UBR2: variants seen among roughly 807,000 people sequenced by gnomAD.
The protein encoded by UBR2 is E3 ubiquitin-protein ligase UBR2.
In UBR2, 92 loss-of-function variants were observed where a neutral mutation model predicts 247.9. The observed-to-expected ratio is 0.37, with a 90% CI of 0.31 to 0.44. UBR2 has a LOEUF of 0.44. Among genes scored for constraint, UBR2 ranks in the 20% least tolerant of loss-of-function variants. The probability of loss-of-function intolerance (pLI) is 1.00; values close to 1 mark genes in which losing one functional copy is unlikely to be tolerated. For synonymous variants in UBR2, 672 were observed against 693.5 expected (o/e 0.97, Z 0.49); for missense variants, 1,613 against 2,112.6 (o/e 0.76, Z 4.64).
intron 44 of UBR2, among the ~76,000 whole-genome samples, chr6:42,686,780 G>A (rs1799433706): frequency 6.6e-6 from 1 of 151,466 alleles, no homozygotes; most frequent in South Asian, 2.1e-4. Flanking sequence ...GGCGGCTGCT[G>A]GGCGGAGACG....
chr6:42,674,303 C>G (rs558898878), intron 38 of UBR2, 110 bp downstream of exon 38: 2 of 954,574 alleles, frequency 2.1e-6, no homozygotes, highest in Admixed American at 5.0e-5. Context: ...ATTTCCTTAC[C>G]CCTTCTGAGT....
intron 7 of UBR2, among the ~76,000 whole-genome samples, chr6:42,611,701 T>C (rs757206181): frequency 6.6e-6 from 1 of 151,370 alleles, no homozygotes; most frequent in Non-Finnish European, 1.5e-5. Context: ...AGGTCAGGAG[T>C]TCAAGACCAG....
In UBR2 at chr6:42,640,192, T is replaced by C; in HGVS notation, c.1859-17T>C. The C allele has an allele frequency of 6.3e-7, 1 of 1,596,268 alleles. No individual in the cohort carries two copies. The highest frequency in any genetic ancestry group is 8.5e-7 in the Non-Finnish European group (1 of 1,173,264). On this transcript the variant is annotated splice_polypyrimidine_tract_variant and intron_variant, in intron 15 of 46. Transcript: ENST00000372901. ...TTACTGATAGAAATACTGTTTTTTG[T>C]TTGTTCTTTCATGCAGGTTTACATG...
At chr6:42,658,852 G>A in intron 29 of UBR2, 28 bp downstream of exon 29, 5 of 1,452,492 alleles carry the variant, frequency 3.4e-6, no homozygotes, top group Non-Finnish European at 4.6e-6. Context: ...AAAAATTAAT[G>A]TCTTGACGAG....
intron 6 of UBR2, among the ~76,000 whole-genome samples, chr6:42,606,192 G>A (rs1458615397): frequency 6.6e-6 from 1 of 151,562 alleles, no homozygotes; most frequent in Admixed American, 6.6e-5. Flanking sequence ...GCAGTGAGCC[G>A]AGATTGCGCC....
chr6:42,684,899 T>G, intron 44 of UBR2, 28 bp downstream of exon 44: 1 of 1,564,132 alleles, frequency 6.4e-7, no homozygotes, highest in Non-Finnish European at 8.8e-7. Flanking sequence ...CATTGAACAT[T>G]CCCTGCCACT....
intron 1 of UBR2, 69 bp downstream of exon 1, chr6:42,564,466 C>CTGG (rs1790660100): frequency 7.2e-6 from 11 of 1,529,866 alleles, no homozygotes; most frequent in Non-Finnish European, 8.9e-6. Context: ...GAACCGACTC[C>CTGG]TGGACGTCCT....
intron 2 of UBR2, among the ~76,000 whole-genome samples, chr6:42,585,127 T>C (rs1275652554): frequency 6.6e-6 from 1 of 152,218 alleles, no homozygotes; most frequent in African/African-American, 2.4e-5. Context: ...CTTCTATTCC[T>C]AGTTTACCTA....
chr6:42,651,046 A>T (rs1262121489), intron 23 of UBR2, among the ~76,000 whole-genome samples: 1 of 152,024 alleles, frequency 6.6e-6, no homozygotes, highest in Non-Finnish European at 1.5e-5. Context: ...ACATGTTGAA[A>T]TCCCATGTCT....
At chr6:42,592,415 G>A (rs1792725696) in intron 3 of UBR2, among the ~76,000 whole-genome samples, 186 bp downstream of exon 3, 1 of 152,032 alleles carries the variant, frequency 6.6e-6, no homozygotes, top group African/African-American at 2.4e-5. Flanking sequence ...CACACTTCTT[G>A]GAGCATATGA....
At position 42,622,560 on chromosome 6, in the gene UBR2, CCTGGCTAGTTTTT is replaced by C. The variant is rs758379980; in HGVS notation, c.1281+5054_1281+5066del. On this transcript the variant is annotated intron_variant, in intron 11 of 46. Coordinates refer to ENST00000372901, the MANE Select transcript of UBR2 (RefSeq NM_001363705.2). Reference sequence around the variant, plus strand: ...GGGATTACAGGTGCGTGCCACCACACCTGGCTAGTTTTTTTGTACTTTTCATAGAGATGGTGTT... The same window carrying C: ...GGGATTACAGGTGCGTGCCACCACACTTGTACTTTTCATAGAGATGGTGTT... 6.6e-4 allele frequency among the ~76,000 whole-genome samples: 100 copies of C among 152,028 alleles called. 1 individual carries two copies. The highest frequency in any genetic ancestry group is 1.2e-3 in the Non-Finnish European group (81 of 67,980).
chr6:42,662,321 G>A, intron 31 of UBR2, 44 bp downstream of exon 31: 1 of 1,240,362 alleles, frequency 8.1e-7, no homozygotes, highest in Non-Finnish European at 1.1e-6. Context: ...TTTATCTAAG[G>A]GCTCAATATT....
intron 20 of UBR2, among the ~76,000 whole-genome samples, 157 bp from the exon 21 acceptor site, chr6:42,645,309 C>G (rs539769875): frequency 6.6e-6 from 1 of 152,226 alleles, no homozygotes; most frequent in Non-Finnish European, 1.5e-5. Context: ...TGGTCAGGAG[C>G]TGCTCTCTCC....
At chr6:42,621,567 A>G (rs1025691131) in intron 11 of UBR2, among the ~76,000 whole-genome samples, 18 of 151,958 alleles carry the variant, frequency 1.2e-4, no homozygotes, top group Non-Finnish European at 1.0e-4. Flanking sequence ...GGTTCAAGCA[A>G]TTCTCCTGCC....
Position 42,641,631 on chromosome 6 carries a change from T to C in UBR2, c.1970T>C (p.Val657Ala). ...MLIEHPLRCLVLCAQVHAGMW... is the reference protein window; with the variant it reads ...MLIEHPLRCLALCAQVHAGMW... ...ATAGAACACCCTCTTAGATGTCTTG[T>C]TCTGTGTGCCCAAGTACATGCCGGA... is the stretch of plus-strand genomic sequence containing the variant. Residue 657 changes from valine to alanine, a missense_variant, in exon 17 of 47, where the codon GTT becomes GCT. Transcript: ENST00000372901. 2 of 1,608,124 alleles carry C rather than the reference T, an allele frequency of 1.2e-6. No homozygotes were observed. The highest frequency in any genetic ancestry group is 8.5e-7 in the Non-Finnish European group (1 of 1,177,998).
chr6:42,651,286 A>T (rs914378327), intron 23 of UBR2, among the ~76,000 whole-genome samples: 1 of 151,948 alleles, frequency 6.6e-6, no homozygotes, highest in Non-Finnish European at 1.5e-5. Context: ...AATAAACAGC[A>T]TTAAATAAAA....
At chr6:42,617,161 T>G in intron 10 of UBR2, 1 of 1,315,832 alleles carries the variant, frequency 7.6e-7, no homozygotes, top group Non-Finnish European at 1.1e-6. Context: ...CTTGACTTCC[T>G]CCAGCACTGA....
At chr6:42,690,324 A>T (rs192403203) in intron 46 of UBR2, among the ~76,000 whole-genome samples, 42 of 152,358 alleles carry the variant, frequency 2.8e-4, no homozygotes, top group Admixed American at 2.0e-3. Context: ...CAGGCGCTGG[A>T]CTGCGAGGCT....
At position 42,644,303 on chromosome 6, in the gene UBR2, T is replaced by C. The variant is rs1400751168; in HGVS notation, c.2187T>C (p.Tyr729=). The change falls in exon 19 of 47, where the codon TAT becomes TAC. Residue 729 remains tyrosine (Y), a synonymous_variant. Transcript: ENST00000372901. The part of the protein sequence containing the change: ...ELYQIFSTPD[Y]GKRFSSEITH... ...ATCAGATTTTCAGTACTCCAGACTA[T>C]GGAAAAAGATTTAGTTCTGAGATTA... 7 of 1,613,594 alleles carry C rather than the reference T, an allele frequency of 4.3e-6. No homozygotes were observed. Among genetic ancestry groups the C allele is most frequent in the East Asian group, 2.2e-5 (1 of 44,856 alleles).
Sources: allele counts gnomAD v4.1 joint callset (sites outside exome capture counted in the v4.1 genomes callset), GRCh38; gene constraint gnomAD v4.1.1; transcripts MANE v1.5; gene names NCBI Gene and HGNC (gene_info 2026-07-23, HGNC 2026-07-21).